The following SCYL3 variants were observed in gnomAD, a reference collection of about 807,000 sequenced individuals.
SCYL3 encodes protein-associating with the carboxyl-terminal domain of ezrin.
SCYL3 carries 35 observed loss-of-function variants against 73.8 expected under a neutral mutation model. The observed-to-expected ratio is 0.47, with a 90% confidence interval of 0.36 to 0.63. The LOEUF is 0.63. SCYL3 is among the 20% of genes least tolerant of loss of function. The pLI is 0.00. For synonymous variants in SCYL3, 277 were observed against 295.2 expected, an observed-to-expected ratio of 0.94 and a Z score of 0.63; for missense variants, 712 against 798.9, an observed-to-expected ratio of 0.89 and a Z score of 1.31.
chr1:169,892,432 A>G (rs1662151254), intron 1 of SCYL3, among the ~76,000 whole-genome samples: 1 of 152,198 alleles, frequency 6.6e-6, no homozygotes, highest in Non-Finnish European at 1.5e-5. Flanking sequence ...CAGTGCTTTA[A>G]AAATGATAAT....
At position 169,876,051 on chromosome 1, in the gene SCYL3, A is replaced by C; in HGVS notation, c.392T>G (p.Phe131Cys). Reference sequence around the variant, plus strand: ...CTTCCAGTGTCCATCTTCACTCACAAACACAGATGATAAACAGACATTATT... The same window carrying C: ...CTTCCAGTGTCCATCTTCACTCACACACACAGATGATAAACAGACATTATT... ...THNNVCLSSV[F>C]VSEDGHWKLG... Residue 131 changes from phenylalanine to cysteine, a missense_variant, in exon 4 of 13, where the codon TTT becomes TGT. Phe to Cys is a radical substitution (Grantham distance 205). Transcript: ENST00000367771. 1 of 1,611,544 alleles carries C rather than the reference A, an allele frequency of 6.2e-7. No homozygotes were observed. The highest frequency in any genetic ancestry group is 1.1e-5 in the South Asian group (1 of 90,648).
upstream of SCYL3, chr1:169,893,988 A>C (rs1662280368): frequency 6.6e-6 from 1 of 152,232 alleles, no homozygotes; most frequent in Admixed American, 6.5e-5. Flanking sequence ...CTCCGACGCC[A>C]CCAATGAGGC....
Position 169,852,036 on chromosome 1 carries a change from G to A in SCYL3, c.*1677C>T. 6.5e-7 allele frequency: 1 copy of A among 1,533,766 alleles called. No individual in the cohort carries two copies. Among genetic ancestry groups the A allele is most frequent in the African/African-American group, 1.4e-5 (1 of 73,290 alleles). On this transcript the variant is annotated 3_prime_UTR_variant, in exon 13 of 13. Transcript: ENST00000367771. ...CCAGTGTGGTTTCCAGCCTTATGCTGAATTTCAAATCAAATAGATCTAGAC... is the reference window on the plus strand; with the variant it reads ...CCAGTGTGGTTTCCAGCCTTATGCTAAATTTCAAATCAAATAGATCTAGAC...
Position 169,851,045 on chromosome 1 carries a change from C to CTTTTTTTTTTTTTTTTTTTTT in SCYL3, c.*2647_*2667dup, listed in dbSNP as rs58984684. On this transcript the variant is annotated 3_prime_UTR_variant, in exon 13 of 13. Transcript: ENST00000367771. Reference sequence around the variant, plus strand: ...CCCAAGCCAGGGTAAGCTCAGGGCCCTTTTTTTTTTTTTTTTTTTTTTTTT... The same window carrying CTTTTTTTTTTTTTTTTTTTTT: ...CCCAAGCCAGGGTAAGCTCAGGGCCCTTTTTTTTTTTTTTTTTTTTTTTTTTTTTTTTTTTTTTTTTTTTTT... 5.8e-5 allele frequency: 1 copy of CTTTTTTTTTTTTTTTTTTTTT among 17,308 alleles called. No homozygotes were observed. The highest frequency in any genetic ancestry group is 2.3e-4 in the African/African-American group (1 of 4,386). 1.1% of individuals were successfully genotyped at this position (17,308 alleles called of 1,614,324 possible).
chr1:169,853,340 CTTATG>C lies in SCYL3; in HGVS notation c.*368_*372del. 1 of 321,146 alleles carries C rather than the reference CTTATG, an allele frequency of 3.1e-6. No individual in the cohort carries two copies. Among genetic ancestry groups the C allele is most frequent in the South Asian group, 6.0e-5 (1 of 16,614 alleles). The allele number at this position is 321,146 out of a possible 1,614,324, so 19.9% of individuals were successfully genotyped here. A position where few individuals can be genotyped will look rare whatever the true frequency, so the allele number is the denominator to read the frequency against. ...GTTGTATTTCATAATAGAGCTTACT[CTTATG>C]TTAAAGAATGGCACAAAATTAAGCT... On this transcript the variant is annotated 3_prime_UTR_variant, in exon 13 of 13. Transcript: ENST00000367771.
At chr1:169,857,469 C>A (rs1558117929) in intron 11 of SCYL3, among the ~76,000 whole-genome samples, 1 of 152,124 alleles carries the variant, frequency 6.6e-6, no homozygotes, top group Non-Finnish European at 1.5e-5. Context: ...CAGGTGCAAA[C>A]CTGCAAATAT....
chr1:169,853,814 T>C lies in SCYL3; in HGVS notation c.2008-42A>G, dbSNP rs1037528460. On this transcript the variant is annotated intron_variant, in intron 12 of 12. Coordinates refer to ENST00000367771, the MANE Select transcript of SCYL3 (RefSeq NM_020423.7). ...CACACCAAGAACCCACTGAAACAAA[T>C]CATATGCAAAAATCATACGCAAATT... 7 of 1,590,292 alleles carry C rather than the reference T, an allele frequency of 4.4e-6. No homozygotes were observed. In the African/African-American group the frequency reaches 9.6e-5, roughly 22 times the overall value.
At position 169,850,414 on chromosome 1, in the gene SCYL3, T is replaced by C. The variant is rs1246166762; in HGVS notation, c.*3299A>G. 2 of 1,049,296 alleles carry C rather than the reference T, an allele frequency of 1.9e-6. No homozygotes were observed. The highest frequency in any genetic ancestry group is 2.9e-6 in the Non-Finnish European group (2 of 695,028). The allele number at this position is 1,049,296 out of a possible 1,614,324, so 65.0% of individuals were successfully genotyped here. On this transcript the variant is annotated 3_prime_UTR_variant, in exon 13 of 13. Coordinates refer to ENST00000367771, the MANE Select transcript of SCYL3 (RefSeq NM_020423.7). The stretch of plus-strand genomic sequence containing the variant: ...TTTTTTTTCCGAAATTATGTAACTG[T>C]AACCAACCTGAGTGTCTTCTTAGCT...
At chr1:169,872,466 C>A (rs773735527) in intron 5 of SCYL3, among the ~76,000 whole-genome samples, 1 of 152,232 alleles carries the variant, frequency 6.6e-6, no homozygotes, top group Non-Finnish European at 1.5e-5. Context: ...TCTACTAGGG[C>A]AGTGTGAAAA....
Position 169,873,711 on chromosome 1 carries a change from G to GA in SCYL3, c.506dup (p.Pro171SerfsTer2), listed in dbSNP as rs1660593810. 1 of 1,602,924 alleles carries GA rather than the reference G, an allele frequency of 6.2e-7. No homozygotes were observed. The highest frequency in any genetic ancestry group is 1.3e-5 in the African/African-American group (1 of 74,620). ...ATCATCTTACCATCTCTTCAGGAGG[G>GA]ATAGATGCTGGGTCTCTTATTGACT... On this transcript the variant is annotated frameshift_variant, in exon 5 of 13. Transcript: ENST00000367771. LOFTEE classifies it high-confidence loss of function.
At chr1:169,883,369 T>C (rs1003498064) in intron 2 of SCYL3, among the ~76,000 whole-genome samples, 2 of 152,162 alleles carry the variant, frequency 1.3e-5, no homozygotes, top group African/African-American at 4.8e-5. Flanking sequence ...GTCTGCAGCC[T>C]AGGGGTTGGG....
intron 8 of SCYL3, among the ~76,000 whole-genome samples, chr1:169,864,817 G>A (rs752728248): frequency 9.9e-5 from 15 of 151,984 alleles, no homozygotes; most frequent in African/African-American, 3.1e-4. Flanking sequence ...AAAATTAGCC[G>A]GGCGTGGTGG....
chr1:169,892,875 G>T (rs935823677), intron 1 of SCYL3, among the ~76,000 whole-genome samples: 4 of 152,142 alleles, frequency 2.6e-5, no homozygotes, highest in African/African-American at 9.7e-5. Flanking sequence ...AGACTACCTT[G>T]GTCCTAGCTC....
At chr1:169,883,717 T>A (rs1661471812) in intron 2 of SCYL3, among the ~76,000 whole-genome samples, 1 of 124,026 alleles carries the variant, frequency 8.1e-6, no homozygotes, top group Non-Finnish European at 1.9e-5. Context: ...CAATTACATT[T>A]TTTTTTTTTT....
Position 169,888,874 on chromosome 1 carries a change from C to G in SCYL3, c.-34G>C. 1 of 1,534,686 alleles carries G rather than the reference C, an allele frequency of 6.5e-7. No individual in the cohort carries two copies. On this transcript the variant is annotated 5_prime_UTR_variant, in exon 2 of 13. Coordinates refer to ENST00000367771, the MANE Select transcript of SCYL3 (RefSeq NM_020423.7). ...CAGTGAGGCAGTACTGCCACTCTTC[C>G]TCAAAGCCAAGCAGATCTAAAAGAA...
In SCYL3 at chr1:169,888,791, G is replaced by A; in HGVS notation, c.50C>T (p.Pro17Leu). The A allele has an allele frequency of 6.2e-7, 1 of 1,614,048 alleles. No individual in the cohort carries two copies. Among genetic ancestry groups the A allele is most frequent in the East Asian group, 2.2e-5 (1 of 44,864 alleles). Residue 17 changes from proline to leucine, a missense_variant, in exon 2 of 13, where the codon CCA (proline) becomes CTA (leucine). Around this residue, in one of 2 missense-constraint regions of SCYL3, gnomAD observed 342 missense variants for 448.1 expected, o/e 0.76. Transcript: ENST00000367771. ...AGCAAGTCCAGAGGGTAAGGTAAAT[G>A]GTGGTTCTCTCAGTGTATAGCTCTT... ...ALKSYTLREP[P>L]FTLPSGLAVY...
chr1:169,870,483 T>G lies in SCYL3; in HGVS notation c.523-126A>C, dbSNP rs1335385806. 4 of 648,992 alleles carry G rather than the reference T, an allele frequency of 6.2e-6. No individual in the cohort carries two copies. In the East Asian group the frequency reaches 1.1e-4, roughly 19 times the overall value. 40.2% of individuals were successfully genotyped at this position (648,992 alleles called of 1,614,324 possible). On this transcript the variant is annotated intron_variant, in intron 5 of 12. Coordinates refer to ENST00000367771, the MANE Select transcript of SCYL3 (RefSeq NM_020423.7). ...AAATCTATCTTCAGACCACCACACATGAATGTATAGATTCTTAACACTATT... is the reference window on the plus strand; with the variant it reads ...AAATCTATCTTCAGACCACCACACAGGAATGTATAGATTCTTAACACTATT...
In SCYL3 at chr1:169,854,762, C is replaced by G. The variant is rs1272285145; in HGVS notation, c.1515G>C (p.Gln505His). 9.3e-6 allele frequency: 15 copies of G among 1,613,896 alleles called. No individual in the cohort carries two copies. The highest frequency in any genetic ancestry group is 1.3e-5 in the Non-Finnish European group (15 of 1,179,950). ...ACTCTTCCACATCCAAGGTAGTGCA[C>G]TGGGACTTGACATCATCACAAGGTT... ...PREPCDDVKS[Q>H]CTTLDVEESS... is the part of the protein sequence containing the mutation. The change falls in exon 12 of 13, where the codon CAG (glutamine) becomes CAC (histidine). Residue 505 changes from glutamine (Q) to histidine (H), a missense_variant. Physicochemically the swap from Gln to His is conservative, Grantham distance 24 (BLOSUM62 0). Transcript: ENST00000367771.
intron 3 of SCYL3, among the ~76,000 whole-genome samples, chr1:169,877,813 A>G (rs1192191025): frequency 1.3e-5 from 2 of 152,216 alleles, no homozygotes; most frequent in Non-Finnish European, 2.9e-5. Flanking sequence ...TGAACCACTA[A>G]TAATTCTCGT....
Sources: gnomAD v4.1 joint callset for allele counts (sites outside exome capture counted in the v4.1 genomes callset) on GRCh38, gnomAD v4.1.1 for gene constraint, gnomAD v4.1.1 regional missense constraint, MANE v1.5 for transcripts, NCBI Gene and HGNC (gene_info 2026-07-23, HGNC 2026-07-21) for gene names.